Variants in TMCC1 observed in about 807,000 individuals in gnomAD.
The protein encoded by TMCC1 is transmembrane and coiled-coil domain family 1.
In TMCC1, 15 loss-of-function variants were observed where a neutral mutation model predicts 52.4. The ratio of observed to expected loss-of-function variants is 0.29; its 90% CI spans 0.19 to 0.44. The LOEUF is 0.44. TMCC1 is among the 20% of genes least tolerant of loss of function. TMCC1 has a pLI of 1.00. For synonymous variants in TMCC1, 279 were observed against 301.9 expected (o/e 0.92, Z 0.79); for missense variants, 503 against 806.0 (o/e 0.62, Z 4.55).
chr3:129,712,909 T>A (rs923765736), intron 4 of TMCC1, among the ~76,000 whole-genome samples: 4 of 152,140 alleles, frequency 2.6e-5, no homozygotes, highest in African/African-American at 9.7e-5. Context: ...TCTAATTGTG[T>A]AGGACTGAAA....
intron 4 of TMCC1, among the ~76,000 whole-genome samples, chr3:129,757,854 A>G (rs1259610502): frequency 1.3e-5 from 2 of 152,072 alleles, no homozygotes; most frequent in African/African-American, 4.8e-5. Context: ...TAAAAAAAAA[A>G]GAAATCATAA....
intron 4 of TMCC1, among the ~76,000 whole-genome samples, chr3:129,820,305 G>A (rs2058354832): frequency 6.6e-6 from 1 of 151,552 alleles, no homozygotes; most frequent in Non-Finnish European, 1.5e-5. Flanking sequence ...ACAGTTGTTT[G>A]TAGTGAGAAT....
chr3:129,718,294 A>G (rs2049263432), intron 4 of TMCC1, among the ~76,000 whole-genome samples: 1 of 152,238 alleles, frequency 6.6e-6, no homozygotes, highest in Non-Finnish European at 1.5e-5. Flanking sequence ...TAACTGTAGT[A>G]TATACTGTGC....
At chr3:129,775,854 A>G (rs1382440116) in intron 4 of TMCC1, among the ~76,000 whole-genome samples, 1 of 152,254 alleles carries the variant, frequency 6.6e-6, no homozygotes, top group African/African-American at 2.4e-5. Flanking sequence ...TTTTAAAAAT[A>G]TAAATCAGAT....
At chr3:129,738,783 T>C (rs1453587085) in intron 4 of TMCC1, among the ~76,000 whole-genome samples, 3 of 152,216 alleles carry the variant, frequency 2.0e-5, no homozygotes, top group Non-Finnish European at 4.4e-5. Flanking sequence ...AATTTACACA[T>C]GGACTTTTAT....
In TMCC1 at chr3:129,650,894, G is replaced by A. The variant is rs1195111918; in HGVS notation, c.*587C>T. On this transcript the variant is annotated 3_prime_UTR_variant, in exon 7 of 7. Transcript: ENST00000393238. ...CTTTTGTATCCTCGTCAAGGTTAAG[G>A]GGCAGGTTCAAAAGTGATCATACTT... is the stretch of plus-strand genomic sequence containing the variant. The A allele has an allele frequency of 6.5e-6, 1 of 154,336 alleles. No homozygotes were observed. Among genetic ancestry groups the A allele is most frequent in the Admixed American group, 6.4e-5 (1 of 15,666 alleles). The allele number at this position is 154,336 out of a possible 1,614,324, so 9.6% of individuals were successfully genotyped here. A position where few individuals can be genotyped will look rare whatever the true frequency, so the allele number is the denominator to read the frequency against.
intron 4 of TMCC1, among the ~76,000 whole-genome samples, chr3:129,777,978 A>G (rs543176665): frequency 6.6e-6 from 1 of 152,096 alleles, no homozygotes; most frequent in Non-Finnish European, 1.5e-5. Context: ...ACTACTTTCT[A>G]TTGATTTCCC....
chr3:129,749,200 A>G (rs2052277945), intron 4 of TMCC1, among the ~76,000 whole-genome samples: 1 of 151,952 alleles, frequency 6.6e-6, no homozygotes, highest in Non-Finnish European at 1.5e-5. Context: ...AAATCAAGCA[A>G]ATATCCCCAA....
intron 4 of TMCC1, among the ~76,000 whole-genome samples, chr3:129,695,215 A>T (rs1275488376): frequency 6.6e-6 from 1 of 151,696 alleles, no homozygotes; most frequent in Non-Finnish European, 1.5e-5. Flanking sequence ...CCAAAATGGT[A>T]AAAGATTTTG....
At chr3:129,845,959 G>T (rs935162343) in intron 2 of TMCC1, among the ~76,000 whole-genome samples, 4 of 151,786 alleles carry the variant, frequency 2.6e-5, no homozygotes, top group African/African-American at 9.7e-5. Context: ...GTTTGAGCTG[G>T]AGAGGTACAG....
intron 4 of TMCC1, among the ~76,000 whole-genome samples, chr3:129,723,971 G>A (rs181201023): frequency 2.2e-4 from 33 of 148,148 alleles, no homozygotes; most frequent in Admixed American, 1.9e-3. Context: ...TACGGTTTCC[G>A]AGGAGAGTGA....
chr3:129,856,215 G>A (rs146870239), intron 2 of TMCC1, among the ~76,000 whole-genome samples: 159 of 152,292 alleles, frequency 1.0e-3, no homozygotes, highest in African/African-American at 3.4e-3. Context: ...AGTAGCGTGT[G>A]GCACTTTCCC....
At chr3:129,893,333 G>A (rs867481879) in intron 1 of TMCC1, 161 bp downstream of exon 1, 2 of 152,594 alleles carry the variant, frequency 1.3e-5, no homozygotes, top group Admixed American at 6.5e-5. Context: ...TCGAACGGGG[G>A]CGACGGCAGG....
At chr3:129,880,720 C>T (rs1429335005) in intron 1 of TMCC1, among the ~76,000 whole-genome samples, 161 bp from the exon 2 acceptor site, 2 of 152,142 alleles carry the variant, frequency 1.3e-5, no homozygotes, top group Admixed American at 6.5e-5. Flanking sequence ...TCAAAAGACA[C>T]ACTCATTGGA....
At chr3:129,672,750 G>A (rs2108893088) in intron 4 of TMCC1, among the ~76,000 whole-genome samples, 1 of 152,176 alleles carries the variant, frequency 6.6e-6, no homozygotes, top group East Asian at 1.9e-4. Flanking sequence ...TCTGTACCAG[G>A]TAACAATTTG....
intron 4 of TMCC1, among the ~76,000 whole-genome samples, chr3:129,789,175 A>C (rs1228644887): frequency 6.6e-6 from 1 of 152,172 alleles, no homozygotes; most frequent in Non-Finnish European, 1.5e-5. Flanking sequence ...ATAATATTAT[A>C]CTACTTCACT....
intron 4 of TMCC1, among the ~76,000 whole-genome samples, chr3:129,738,720 C>A (rs1382793934): frequency 1.3e-5 from 2 of 151,562 alleles, no homozygotes; most frequent in African/African-American, 2.4e-5. Context: ...TTTTCATTGG[C>A]GATTAAAAAA....
intron 4 of TMCC1, among the ~76,000 whole-genome samples, chr3:129,825,834 T>C (rs976669629): frequency 1.2e-4 from 19 of 152,266 alleles, no homozygotes; most frequent in African/African-American, 4.1e-4. Flanking sequence ...TTGGGGGTAA[T>C]GGGAATGTTC....
intron 5 of TMCC1, among the ~76,000 whole-genome samples, chr3:129,657,564 C>G (rs1046560235): frequency 6.6e-6 from 1 of 152,190 alleles, no homozygotes; most frequent in Non-Finnish European, 1.5e-5. Context: ...TTTTGAAACT[C>G]TACAAACCCA....
Sources: allele counts gnomAD v4.1 joint callset (sites outside exome capture counted in the v4.1 genomes callset), GRCh38; gene constraint gnomAD v4.1.1; transcripts MANE v1.5; gene names NCBI Gene and HGNC (gene_info 2026-07-23, HGNC 2026-07-21).